The following EPB41 variants were observed in gnomAD, a reference collection of about 807,000 sequenced individuals.
EPB41 encodes protein 4.1.
Under a neutral mutation model 108.0 loss-of-function variants are expected in EPB41, and 65 were observed. The observed-to-expected ratio is 0.60, with a 90% CI of 0.49 to 0.74. The LOEUF (loss-of-function observed/expected upper bound fraction) is 0.74, where lower values mean the gene tolerates loss of function less well. Among genes scored for constraint, EPB41 ranks in the 30% least tolerant of loss-of-function variants. The pLI is 0.00. For missense variants in EPB41, 875 were observed against 1,037.0 expected (o/e 0.84, Z 2.15); for synonymous variants, 336 against 358.9 (o/e 0.94, Z 0.72).
intron 12 of EPB41, among the ~76,000 whole-genome samples, chr1:29,057,670 T>A (rs974026415): frequency 6.6e-6 from 1 of 152,214 alleles, no homozygotes; most frequent in African/African-American, 2.4e-5. Flanking sequence ...ATCAATTTTT[T>A]AATTTAAAAT....
At chr1:29,089,404 A>T (rs535734896) in intron 16 of EPB41, among the ~76,000 whole-genome samples, 2 of 152,338 alleles carry the variant, frequency 1.3e-5, no homozygotes, top group Admixed American at 1.3e-4. Flanking sequence ...CATCTATTAC[A>T]TACCAAAAAC....
Position 29,058,826 on chromosome 1 carries a change from A to T in EPB41, c.1918A>T (p.Thr640Ser). The change falls in exon 14 of 21, where the codon ACT becomes TCT. Residue 640 changes from threonine (T) to serine (S), a missense_variant. Physicochemically the swap from Thr to Ser is moderately conservative, Grantham distance 58. This residue lies in a region of EPB41 where 519 missense variants were observed against 627.3 expected (regional missense o/e 0.83). Coordinates refer to ENST00000343067, the MANE Select transcript of EPB41 (RefSeq NM_001376013.1). ...GGCAAAACAGAAGCTTGCAGAAAAA[A>T]CTGAAGATCTGATAAGAATGAGGAA... ...GDQTQKLAEK[T>S]EDLIRMRKKK... 1 of 1,548,842 alleles carries T rather than the reference A, an allele frequency of 6.5e-7. No homozygotes were observed. The highest frequency in any genetic ancestry group is 8.7e-7 in the Non-Finnish European group (1 of 1,146,340).
intron 16 of EPB41, 158 bp downstream of exon 16, chr1:29,065,316 A>AT (rs998526698): frequency 4.9e-4 from 643 of 1,317,534 alleles, no homozygotes; most frequent in East Asian, 4.1e-3. Context: ...TCAAATATTT[A>AT]TTTTTTTTTA....
In EPB41 at chr1:29,079,288, C is replaced by T. The variant is rs190532808; in HGVS notation, c.2184+14130C>T. Among the ~76,000 whole-genome samples, 575 of 152,102 alleles carry T rather than the reference C, an allele frequency of 3.8e-3. 6 individuals are homozygous for T. The highest frequency in any genetic ancestry group is 0.013 in the African/African-American group (534 of 41,486). On this transcript the variant is annotated intron_variant, in intron 16 of 20. Transcript: ENST00000343067. Reference sequence around the variant, plus strand: ...CTGGGATTACAGGCATGAGCCCCCTCGCCCCGCCAGAAAAATGATTTTTAC... The same window carrying T: ...CTGGGATTACAGGCATGAGCCCCCTTGCCCCGCCAGAAAAATGATTTTTAC...
At chr1:28,921,031 A>G (rs1187773178) in intron 1 of EPB41, among the ~76,000 whole-genome samples, 28 of 152,156 alleles carry the variant, frequency 1.8e-4, no homozygotes, top group Admixed American at 1.8e-3. Flanking sequence ...AGCCACCTAA[A>G]TAGCTGGGAC....
Position 29,036,022 on chromosome 1 carries a change from C to T in EPB41, c.1463+99C>T, listed in dbSNP as rs971832757. On this transcript the variant is annotated intron_variant, in intron 10 of 20. Coordinates refer to ENST00000343067, the MANE Select transcript of EPB41 (RefSeq NM_001376013.1). ...TTCCTTTCATTGTATGACTGGCACTCTTTTATTTAGCTCAGGTGAGATCAT... is the reference window on the plus strand; with the variant it reads ...TTCCTTTCATTGTATGACTGGCACTTTTTTATTTAGCTCAGGTGAGATCAT... The T allele has an allele frequency of 4.6e-6, 4 of 866,582 alleles. No homozygotes were observed. The African/African-American group carries it at 5.1e-5, about 11-fold the overall frequency. 53.7% of individuals were successfully genotyped at this position (866,582 alleles called of 1,614,324 possible).
intron 16 of EPB41, chr1:29,069,999 A>G (rs559705858): frequency 9.6e-4 from 155 of 161,444 alleles, no homozygotes; most frequent in Middle Eastern, 6.1e-3. Flanking sequence ...TGGCAAGGAG[A>G]ATGCTTCATT....
At chr1:28,988,800 C>G (rs1333739738) in intron 2 of EPB41, among the ~76,000 whole-genome samples, 1 of 152,196 alleles carries the variant, frequency 6.6e-6, no homozygotes, top group Non-Finnish European at 1.5e-5. Flanking sequence ...GATCCTCCCA[C>G]CTCAGCCTCC....
chr1:29,014,531 G>A (rs1319585345), intron 5 of EPB41, among the ~76,000 whole-genome samples: 1 of 151,756 alleles, frequency 6.6e-6, no homozygotes, highest in Non-Finnish European at 1.5e-5. Flanking sequence ...TCCAGAGATG[G>A]TCTGAGTGTA....
chr1:29,116,722 A>C (rs960244814), intron 20 of EPB41, 97 bp from the exon 21 acceptor site: 1 of 152,236 alleles, frequency 6.6e-6, no homozygotes, highest in Non-Finnish European at 1.5e-5. Flanking sequence ...ACCTGCTCAC[A>C]TCCCCATTGT....
intron 1 of EPB41, among the ~76,000 whole-genome samples, chr1:28,894,354 T>C (rs1224508627): frequency 1.3e-5 from 2 of 152,184 alleles, no homozygotes; most frequent in Non-Finnish European, 2.9e-5. Context: ...GTGCTTTGTA[T>C]TGGATTAAAT....
intron 1 of EPB41, among the ~76,000 whole-genome samples, chr1:28,894,232 A>G (rs1017710445): frequency 4.6e-5 from 7 of 152,214 alleles, no homozygotes; most frequent in African/African-American, 1.7e-4. Flanking sequence ...TCATCTGTTC[A>G]CCAGGTGCTG....
At chr1:28,923,096 CCTTTCTTTT>C (rs1375041793) in intron 1 of EPB41, among the ~76,000 whole-genome samples, 1 of 141,032 alleles carries the variant, frequency 7.1e-6, no homozygotes, top group African/African-American at 2.7e-5. Context: ...TTCCTTCTTT[CCTTTCTTTT>C]CTTTTCTTTT....
intron 1 of EPB41, among the ~76,000 whole-genome samples, chr1:28,982,880 CAAAT>C (rs1351936779): frequency 1.3e-5 from 2 of 152,060 alleles, no homozygotes; most frequent in Non-Finnish European, 2.9e-5. Context: ...TTATGTTTCT[CAAAT>C]AAATCCCCCT....
intron 1 of EPB41, among the ~76,000 whole-genome samples, chr1:28,957,350 CAAAAT>C (rs2094997268): frequency 6.6e-6 from 1 of 152,056 alleles, no homozygotes; most frequent in African/African-American, 2.4e-5. Flanking sequence ...TAGAGACTGT[CAAAAT>C]AATAAAAAAG....
chr1:29,082,116 GT>G (rs1177921548), intron 16 of EPB41, among the ~76,000 whole-genome samples: 4 of 152,032 alleles, frequency 2.6e-5, no homozygotes, highest in Non-Finnish European at 5.9e-5. Context: ...TATTTCTTGG[GT>G]TTTTTGTTTG....
At chr1:28,970,184 TAAC>T (rs1355329692) in intron 1 of EPB41, among the ~76,000 whole-genome samples, 4 of 152,194 alleles carry the variant, frequency 2.6e-5, no homozygotes, top group African/African-American at 9.6e-5. Flanking sequence ...TTTTCATACT[TAAC>T]AATGGTAAGA....
At chr1:29,067,696 G>A (rs1197762005) in intron 16 of EPB41, among the ~76,000 whole-genome samples, 1 of 149,650 alleles carries the variant, frequency 6.7e-6, no homozygotes, top group Non-Finnish European at 1.5e-5. Flanking sequence ...GGTTCACAAA[G>A]GGTACTTTTT....
chr1:29,047,844 C>T (rs1006065950), intron 11 of EPB41, among the ~76,000 whole-genome samples: 4 of 100,584 alleles, frequency 4.0e-5, no homozygotes, highest in Admixed American at 1.1e-4. Flanking sequence ...GCTGGAATGG[C>T]GTGATCTCGG....
Sources: gnomAD v4.1 joint callset for allele counts (sites outside exome capture counted in the v4.1 genomes callset) on GRCh38, gnomAD v4.1.1 for gene constraint, gnomAD v4.1.1 regional missense constraint, MANE v1.5 for transcripts, NCBI Gene and HGNC (gene_info 2026-07-23, HGNC 2026-07-21) for gene names.